POFUT3: variants seen among roughly 807,000 people sequenced by gnomAD.
POFUT3 encodes the protein GDP-fucose protein O-fucosyltransferase 3.
chr8:33,465,405 T>TATATATAC, the POFUT3 span, among the ~76,000 whole-genome samples: 402 of 139,634 alleles, frequency 2.9e-3, 2 homozygotes, highest in Non-Finnish European at 5.3e-3. Context: ...TATATATATA[T>TATATATAC]ACACACATAC....
At chr8:33,350,552 A>G in the POFUT3 span, among the ~76,000 whole-genome samples, 75 of 152,294 alleles carry the variant, frequency 4.9e-4, no homozygotes, top group African/African-American at 1.7e-3. Context: ...TGGACTATTG[A>G]GTGGGATTGA....
chr8:33,380,004 C>G, the POFUT3 span, among the ~76,000 whole-genome samples: 21 of 73,268 alleles, frequency 2.9e-4, 3 homozygotes, highest in Admixed American at 1.1e-3. Flanking sequence ...TATATATATA[C>G]TATATATATA....
the POFUT3 span, among the ~76,000 whole-genome samples, chr8:33,349,646 G>C: frequency 6.6e-6 from 1 of 152,170 alleles, no homozygotes; most frequent in Non-Finnish European, 1.5e-5. Flanking sequence ...GTAGTCCATG[G>C]TGTATATGTA....
At chr8:33,373,746 A>G in the POFUT3 span, among the ~76,000 whole-genome samples, 1 of 152,236 alleles carries the variant, frequency 6.6e-6, no homozygotes, top group Admixed American at 6.5e-5. Flanking sequence ...CACATATCCA[A>G]TTTCATTTCC....
chr8:33,357,937 C>T, the POFUT3 span, among the ~76,000 whole-genome samples: 7 of 152,262 alleles, frequency 4.6e-5, no homozygotes, highest in African/African-American at 1.4e-4. Flanking sequence ...TCAGATAAAT[C>T]TACATTATGG....
At chr8:33,422,423 T>C in the POFUT3 span, among the ~76,000 whole-genome samples, 1 of 151,578 alleles carries the variant, frequency 6.6e-6, no homozygotes, top group Non-Finnish European at 1.5e-5. Flanking sequence ...GGGGTGCCTA[T>C]AATCCCAGTT....
the POFUT3 span, among the ~76,000 whole-genome samples, chr8:33,443,875 C>T: frequency 0.082 from 12,383 of 151,850 alleles, 645 homozygotes; most frequent in African/African-American, 0.15. Flanking sequence ...CCTGTAATCC[C>T]AACACTTTGG....
the POFUT3 span, among the ~76,000 whole-genome samples, chr8:33,447,842 C>T: frequency 6.6e-6 from 1 of 152,148 alleles, no homozygotes; most frequent in African/African-American, 2.4e-5. Flanking sequence ...ACTGCTGCCC[C>T]AGAATCCCAT....
the POFUT3 span, among the ~76,000 whole-genome samples, chr8:33,416,846 A>G: frequency 6.6e-6 from 1 of 151,734 alleles, no homozygotes; most frequent in Non-Finnish European, 1.5e-5. Flanking sequence ...AAAAAAAAAA[A>G]AAAAGAAAGA....
the POFUT3 span, among the ~76,000 whole-genome samples, chr8:33,445,512 T>A: frequency 6.6e-6 from 1 of 152,122 alleles, no homozygotes; most frequent in Admixed American, 6.6e-5. Flanking sequence ...CAGTACAAGA[T>A]GACCAGGGGT....
At chr8:33,309,758 A>C in the POFUT3 span, among the ~76,000 whole-genome samples, 1 of 152,146 alleles carries the variant, frequency 6.6e-6, no homozygotes, top group Non-Finnish European at 1.5e-5. Flanking sequence ...AATTATATTA[A>C]CCTTTAGGCA....
the POFUT3 span, among the ~76,000 whole-genome samples, chr8:33,344,669 C>T: frequency 6.6e-6 from 1 of 152,192 alleles, no homozygotes; most frequent in Non-Finnish European, 1.5e-5. Context: ...AAAACAAAAA[C>T]ACAGACGAAG....
chr8:33,447,962 A>C, the POFUT3 span, among the ~76,000 whole-genome samples: 1 of 152,278 alleles, frequency 6.6e-6, no homozygotes, highest in East Asian at 1.9e-4. Flanking sequence ...TTGAATTTCT[A>C]ATTCTGTTTG....
At chr8:33,349,205 C>T in the POFUT3 span, among the ~76,000 whole-genome samples, 4,797 of 152,304 alleles carry the variant, frequency 0.031, 134 homozygotes, top group Non-Finnish European at 0.046. Flanking sequence ...GACATTTTTC[C>T]CCATTCATGA....
the POFUT3 span, among the ~76,000 whole-genome samples, chr8:33,458,486 G>A: frequency 5.3e-5 from 8 of 152,072 alleles, no homozygotes; most frequent in South Asian, 2.1e-4. Flanking sequence ...AGGCCAAGGC[G>A]GGTGAATCAC....
the POFUT3 span, among the ~76,000 whole-genome samples, chr8:33,340,704 C>A: frequency 1.3e-5 from 2 of 151,878 alleles, no homozygotes; most frequent in African/African-American, 4.8e-5. Context: ...AGGGACATTA[C>A]AGAAAGACAA....
the POFUT3 span, among the ~76,000 whole-genome samples, chr8:33,325,723 A>G: frequency 6.6e-6 from 1 of 152,088 alleles, no homozygotes; most frequent in African/African-American, 2.4e-5. Flanking sequence ...AAGTTCCTCA[A>G]GTATTGGGAG....
the POFUT3 span, among the ~76,000 whole-genome samples, chr8:33,469,803 C>CTTTTTTTT: frequency 2.2e-3 from 244 of 108,686 alleles, 3 homozygotes; most frequent in Middle Eastern, 6.0e-3. Context: ...TTTACTTTTT[C>CTTTTTTTT]TTTTTTTTTT....
At chr8:33,414,096 G>T in the POFUT3 span, among the ~76,000 whole-genome samples, 1 of 151,974 alleles carries the variant, frequency 6.6e-6, no homozygotes, top group Non-Finnish European at 1.5e-5. Context: ...ATTTCCAAAA[G>T]AAATACAATT....
Sources: gnomAD v4.1 joint callset for allele counts (sites outside exome capture counted in the v4.1 genomes callset) on GRCh38, gnomAD v4.1.1 for gene constraint, MANE v1.5 for transcripts, NCBI Gene and HGNC (gene_info 2026-07-23, HGNC 2026-07-21) for gene names.